The following TAB2 variants were observed in gnomAD, a reference collection of about 807,000 sequenced individuals.
TAB2 encodes the protein TGF-beta-activated kinase 1 and MAP3K7-binding protein 2.
TAB2 carries 3 observed loss-of-function variants against 65.0 expected under a neutral mutation model. The ratio of observed to expected loss-of-function variants is 0.05; its 90% CI spans 0.02 to 0.12. TAB2 has a LOEUF of 0.12. Ranked by LOEUF, TAB2 falls within the 10% of genes least tolerant of loss-of-function variation. The pLI is 1.00. For missense variants in TAB2, 623 were observed against 840.3 expected (o/e 0.74, Z 3.20); for synonymous variants, 298 against 285.1 (o/e 1.05, Z -0.46).
At chr6:149,256,399 C>T (rs1367748625) in intron 1 of TAB2, among the ~76,000 whole-genome samples, 1 of 151,984 alleles carries the variant, frequency 6.6e-6, no homozygotes, top group East Asian at 1.9e-4. Context: ...ATTTTGCTTC[C>T]TCTTTGATAA....
intron 1 of TAB2, among the ~76,000 whole-genome samples, chr6:149,237,925 C>T (rs1373184449): frequency 6.6e-6 from 1 of 152,208 alleles, no homozygotes; most frequent in East Asian, 1.9e-4. Flanking sequence ...AGATTTGTTT[C>T]TCCGTGAAGC....
intron 1 of TAB2, among the ~76,000 whole-genome samples, chr6:149,293,731 T>C (rs1401796769): frequency 3.3e-5 from 5 of 152,230 alleles, no homozygotes; most frequent in Non-Finnish European, 7.3e-5. Context: ...TAAAGTGAAA[T>C]TTATGATATC....
chr6:149,243,265 T>C (rs1190077487), intron 1 of TAB2: 2 of 152,178 alleles, frequency 1.3e-5, no homozygotes, highest in South Asian at 2.1e-4. Context: ...GGGCAGGCTC[T>C]TCAGACTGAC....
At chr6:149,221,381 C>A (rs1268100144) in intron 1 of TAB2, 1 of 152,264 alleles carries the variant, frequency 6.6e-6, no homozygotes. Flanking sequence ...TGCTGCCAGC[C>A]ATTGCCTTGA....
At chr6:149,383,200 TA>T (rs1781676889) in intron 3 of TAB2, among the ~76,000 whole-genome samples, 1 of 151,622 alleles carries the variant, frequency 6.6e-6, no homozygotes, top group Non-Finnish European at 1.5e-5. Context: ...CTCTAAACAA[TA>T]AAGTAACACC....
intron 1 of TAB2, among the ~76,000 whole-genome samples, chr6:149,302,219 TA>T (rs1320629656): frequency 6.6e-6 from 1 of 152,168 alleles, no homozygotes; most frequent in Non-Finnish European, 1.5e-5. Context: ...TACAAATATA[TA>T]AGCATATAAC....
intron 6 of TAB2, among the ~76,000 whole-genome samples, chr6:149,404,596 G>C (rs558584126): frequency 6.6e-5 from 10 of 152,266 alleles, no homozygotes; most frequent in Non-Finnish European, 8.8e-5. Context: ...ATTGACCAAT[G>C]GAACAGAATA....
intron 1 of TAB2, among the ~76,000 whole-genome samples, chr6:149,264,222 G>C (rs899416238): frequency 5.1e-4 from 77 of 152,166 alleles, no homozygotes; most frequent in Non-Finnish European, 4.4e-5. Context: ...CCCTTGCTTG[G>C]AGCAGAGACT....
intron 3 of TAB2, among the ~76,000 whole-genome samples, chr6:149,394,295 C>T (rs1285015195): frequency 2.6e-5 from 4 of 152,084 alleles, no homozygotes; most frequent in Non-Finnish European, 5.9e-5. Context: ...ATGATTTCCA[C>T]CTCTCTCCTC....
At chr6:149,380,069 G>A (rs1781559268) in intron 3 of TAB2, 1 of 391,958 alleles carries the variant, frequency 2.6e-6, no homozygotes, top group Non-Finnish European at 5.0e-6. Flanking sequence ...TGGAGACTCC[G>A]TCTCTACAGA....
chr6:149,265,815 A>G (rs1778253172), intron 1 of TAB2, among the ~76,000 whole-genome samples: 1 of 152,106 alleles, frequency 6.6e-6, no homozygotes, highest in African/African-American at 2.4e-5. Flanking sequence ...GTTTTCCACA[A>G]TCTGACACTG....
intron 1 of TAB2, among the ~76,000 whole-genome samples, chr6:149,307,700 C>T (rs1314919054): frequency 6.6e-6 from 1 of 152,158 alleles, no homozygotes; most frequent in Non-Finnish European, 1.5e-5. Context: ...GTTATCATGG[C>T]TTTGGTTAAA....
At chr6:149,379,581 T>G (rs1781542630) in intron 3 of TAB2, 63 bp downstream of exon 3, 3 of 1,491,960 alleles carry the variant, frequency 2.0e-6, no homozygotes, top group Non-Finnish European at 2.8e-6. Context: ...GCATTTGATT[T>G]CACAACAGAA....
chr6:149,311,095 C>T (rs916812769), intron 1 of TAB2, among the ~76,000 whole-genome samples: 2 of 152,144 alleles, frequency 1.3e-5, no homozygotes, highest in Admixed American at 1.3e-4. Flanking sequence ...TACGTTCCAT[C>T]GTTCACTAAA....
In TAB2 at chr6:149,397,779, A is replaced by G; in HGVS notation, c.1764+15A>G. On this transcript the variant is annotated intron_variant, in intron 4 of 6. Transcript: ENST00000637181. ...AGATACCTTCCGTAAGTCTTTATGT[A>G]ACTGTTGTGATCTCTGCTTGAACAT... 6.2e-7 allele frequency: 1 copy of G among 1,612,200 alleles called. No individual in the cohort carries two copies. The highest frequency in any genetic ancestry group is 1.1e-5 in the South Asian group (1 of 90,994).
At chr6:149,389,347 T>C (rs375980081) in intron 3 of TAB2, among the ~76,000 whole-genome samples, 6 of 152,188 alleles carry the variant, frequency 3.9e-5, no homozygotes, top group Admixed American at 2.0e-4. Flanking sequence ...ACATATCCTC[T>C]TTTAAATTGT....
chr6:149,282,580 G>T (rs775314772), intron 1 of TAB2, among the ~76,000 whole-genome samples: 1 of 152,030 alleles, frequency 6.6e-6, no homozygotes, highest in South Asian at 2.1e-4. Context: ...TAAAGAATTC[G>T]AATCATACAA....
At chr6:149,218,568 C>T (rs1221177646), upstream of TAB2, 1 of 207,074 alleles carries the variant, frequency 4.8e-6, no homozygotes, top group Non-Finnish European at 1.0e-5. Context: ...GAAGCAAGCC[C>T]TCCAGTGGGA....
At chr6:149,397,486 A>G in intron 3 of TAB2, 118 bp from the exon 4 acceptor site, 1 of 1,167,546 alleles carries the variant, frequency 8.6e-7, no homozygotes, top group Non-Finnish European at 1.3e-6. Flanking sequence ...AACTTACAAT[A>G]TTTTGTTTTA....
Sources: allele counts gnomAD v4.1 joint callset (sites outside exome capture counted in the v4.1 genomes callset), GRCh38; gene constraint gnomAD v4.1.1; transcripts MANE v1.5; gene names NCBI Gene and HGNC (gene_info 2026-07-23, HGNC 2026-07-21).